PDE3B: variants seen among roughly 807,000 people sequenced by gnomAD.
PDE3B encodes cGMP-inhibited 3',5'-cyclic phosphodiesterase 3B.
A neutral mutation model predicts 116.8 loss-of-function variants in PDE3B; 66 were observed. The observed-to-expected ratio is 0.56, with a 90% CI of 0.46 to 0.69. PDE3B has a LOEUF of 0.69. PDE3B is among the 30% of genes least tolerant of loss of function. The probability of loss-of-function intolerance (pLI) is 0.00; values close to 1 mark genes in which losing one functional copy is unlikely to be tolerated. For missense variants in PDE3B, 1,384 were observed against 1,368.1 expected, an observed-to-expected ratio of 1.01 and a Z score of -0.18; for synonymous variants, 595 against 533.6, an observed-to-expected ratio of 1.12 and a Z score of -1.59.
chr11:14,756,029 C>T (rs1227410694), intron 1 of PDE3B, among the ~76,000 whole-genome samples: 3 of 152,074 alleles, frequency 2.0e-5, no homozygotes, highest in African/African-American at 7.2e-5. Flanking sequence ...ACCCATTTTA[C>T]AATTATTTTA....
intron 5 of PDE3B, among the ~76,000 whole-genome samples, chr11:14,804,872 G>T (rs188243966): frequency 6.6e-6 from 1 of 152,246 alleles, no homozygotes; most frequent in Admixed American, 6.5e-5. Flanking sequence ...AAATGCACTT[G>T]ATTAAATTAA....
chr11:14,786,709 C>T (rs1279978076), intron 3 of PDE3B, 24 bp downstream of exon 3: 1 of 1,549,602 alleles, frequency 6.5e-7, no homozygotes, highest in South Asian at 1.1e-5. Context: ...AATCATCTAA[C>T]CCTATTTATC....
chr11:14,891,788 C>A, the PDE3B span: 4 of 1,402,608 alleles, frequency 2.9e-6, no homozygotes, highest in South Asian at 4.9e-5. Flanking sequence ...CGGGGCTCCC[C>A]CTGCAAGGGG....
At chr11:14,681,468 C>G (rs530670902) in intron 1 of PDE3B, among the ~76,000 whole-genome samples, 2 of 152,268 alleles carry the variant, frequency 1.3e-5, no homozygotes, top group African/African-American at 2.4e-5. Flanking sequence ...TACAAATTCT[C>G]TCTTGCCATG....
At chr11:14,848,176 G>A (rs1847654409) in intron 12 of PDE3B, among the ~76,000 whole-genome samples, 3 of 138,976 alleles carry the variant, frequency 2.2e-5, no homozygotes, top group Non-Finnish European at 3.1e-5. Context: ...ATGCAAGGCT[G>A]GTTCAATATA....
chr11:14,705,270 A>T (rs1855494626), intron 1 of PDE3B, among the ~76,000 whole-genome samples: 1 of 151,842 alleles, frequency 6.6e-6, no homozygotes, highest in South Asian at 2.1e-4. Context: ...TTCATTGCAG[A>T]TGAATGGTTA....
intron 1 of PDE3B, among the ~76,000 whole-genome samples, chr11:14,647,302 G>A (rs190900881): frequency 9.5e-4 from 144 of 152,112 alleles, no homozygotes; most frequent in Non-Finnish European, 1.7e-3. Flanking sequence ...ATAGACAGAG[G>A]ATTGAGGAGT....
At chr11:14,678,781 T>G (rs906038510) in intron 1 of PDE3B, among the ~76,000 whole-genome samples, 2 of 152,174 alleles carry the variant, frequency 1.3e-5, no homozygotes, top group African/African-American at 2.4e-5. Flanking sequence ...GTTTTTCAAT[T>G]TTTTGTTTTA....
intron 1 of PDE3B, among the ~76,000 whole-genome samples, chr11:14,723,034 T>G (rs1374171772): frequency 1.3e-5 from 2 of 152,248 alleles, no homozygotes; most frequent in Non-Finnish European, 2.9e-5. Context: ...CTAGCCATCC[T>G]AAATGGCATC....
At chr11:14,888,977 T>C in the PDE3B span, among the ~76,000 whole-genome samples, 7 of 152,272 alleles carry the variant, frequency 4.6e-5, no homozygotes, top group African/African-American at 1.7e-4. Context: ...TCAGAATCAA[T>C]CTCCAAGGAA....
chr11:14,800,749 G>A (rs1858730614), intron 4 of PDE3B, among the ~76,000 whole-genome samples: 1 of 152,170 alleles, frequency 6.6e-6, no homozygotes, highest in South Asian at 2.1e-4. Flanking sequence ...CCTGAAGAGT[G>A]TTTTCCAACT....
At chr11:14,857,001 T>G (rs1299781781) in intron 12 of PDE3B, among the ~76,000 whole-genome samples, 2 of 152,218 alleles carry the variant, frequency 1.3e-5, no homozygotes, top group African/African-American at 4.8e-5. Context: ...TAAGTCCTTC[T>G]TATGTCTGAA....
chr11:14,644,120 G>A lies in PDE3B; in HGVS notation c.45G>A (p.Gln15=), dbSNP rs1241672228. The part of the protein sequence containing the change: ...ERDAKAMRSL[Q]PPDGAGSPPE... ...ACGCCAAAGCCATGCGGTCCCTGCA[G>A]CCGCCGGATGGGGCCGGCTCGCCCC... The change falls in exon 1 of 16, where the codon CAG becomes CAA. Residue 15 remains glutamine, a synonymous_variant. Transcript: ENST00000282096. 3.8e-6 allele frequency: 6 copies of A among 1,580,538 alleles called. No individual in the cohort carries two copies. In the East Asian group the frequency reaches 9.2e-5, roughly 24 times the overall value.
chr11:14,815,240 C>A (rs2133946672), intron 5 of PDE3B, among the ~76,000 whole-genome samples: 1 of 152,286 alleles, frequency 6.6e-6, no homozygotes, highest in South Asian at 2.1e-4. Flanking sequence ...TTATGGACAA[C>A]TATTCATTTT....
intron 4 of PDE3B, among the ~76,000 whole-genome samples, chr11:14,802,049 G>T (rs914528841): frequency 2.0e-5 from 3 of 152,246 alleles, no homozygotes; most frequent in Non-Finnish European, 4.4e-5. Flanking sequence ...TCAAGCCAGT[G>T]GATCTTAGTT....
intron 1 of PDE3B, among the ~76,000 whole-genome samples, chr11:14,671,068 T>C (rs191933909): frequency 6.6e-6 from 1 of 152,256 alleles, no homozygotes; most frequent in East Asian, 1.9e-4. Flanking sequence ...ATACTGTGAT[T>C]AGTACAGTGA....
intron 5 of PDE3B, among the ~76,000 whole-genome samples, chr11:14,807,539 A>T (rs1858979520): frequency 6.6e-6 from 1 of 152,130 alleles, no homozygotes. Flanking sequence ...TGGCATGATT[A>T]AAAAAAGCTT....
chr11:14,779,433 C>G (rs1432421565), intron 2 of PDE3B, among the ~76,000 whole-genome samples: 1 of 152,152 alleles, frequency 6.6e-6, no homozygotes, highest in East Asian at 1.9e-4. Flanking sequence ...GTCGGGTTAC[C>G]CACAAAGGGA....
intron 4 of PDE3B, among the ~76,000 whole-genome samples, chr11:14,799,179 T>A (rs1858663238): frequency 6.6e-6 from 1 of 152,216 alleles, no homozygotes; most frequent in Admixed American, 6.5e-5. Context: ...CTGCCTTCAT[T>A]TTGTTATGTA....
Sources: gnomAD v4.1 joint callset for allele counts (sites outside exome capture counted in the v4.1 genomes callset) on GRCh38, gnomAD v4.1.1 for gene constraint, MANE v1.5 for transcripts, NCBI Gene and HGNC (gene_info 2026-07-23, HGNC 2026-07-21) for gene names.